The following UMAD1 variants were observed in gnomAD, a reference collection of about 807,000 sequenced individuals.
UMAD1 encodes the protein UBAP1-MVB12-associated (UMA) domain containing 1, also known as UBAP1-MVB12-associated (UMA)-domain containing protein 1.
In UMAD1, 8 loss-of-function variants were observed where a neutral mutation model predicts 6.1. The ratio of observed to expected loss-of-function variants is 1.30; its 90% CI spans 0.76 to 2.35. The LOEUF (loss-of-function observed/expected upper bound fraction) is 2.35. Among genes scored for constraint, UMAD1 ranks in the 30% most tolerant of loss-of-function variants. The pLI is 0.00. For synonymous variants in UMAD1, 56 were observed against 31.4 expected (o/e 1.78, Z -2.61); for missense variants, 130 against 78.4 (o/e 1.66, Z -2.49).
intron 3 of UMAD1, among the ~76,000 whole-genome samples, chr7:7,849,769 T>C (rs1416496809): frequency 3.3e-5 from 5 of 149,548 alleles, no homozygotes; most frequent in African/African-American, 7.5e-5. Flanking sequence ...GCAAATGAAA[T>C]AATCTGTGGA....
At chr7:7,794,017 A>C (rs1185670688) in intron 2 of UMAD1, among the ~76,000 whole-genome samples, 1 of 152,192 alleles carries the variant, frequency 6.6e-6, no homozygotes, top group Non-Finnish European at 1.5e-5. Context: ...AATCAACTGG[A>C]AGAGAACTTG....
At chr7:7,769,401 A>G (rs974536658) in intron 2 of UMAD1, among the ~76,000 whole-genome samples, 3 of 152,140 alleles carry the variant, frequency 2.0e-5, no homozygotes, top group Non-Finnish European at 4.4e-5. Flanking sequence ...GGAATGATAT[A>G]CAAGTTTATT....
At chr7:7,652,335 C>G (rs13242410) in intron 1 of UMAD1, among the ~76,000 whole-genome samples, 20,739 of 152,184 alleles carry the variant, frequency 0.14, 1,841 homozygotes, top group Non-Finnish European at 0.2. Flanking sequence ...TTGACTCAGA[C>G]TTTGAGATAT....
At chr7:7,815,974 T>C (rs1180366577) in intron 3 of UMAD1, among the ~76,000 whole-genome samples, 1 of 152,152 alleles carries the variant, frequency 6.6e-6, no homozygotes, top group Non-Finnish European at 1.5e-5. Flanking sequence ...GCCTGGATTC[T>C]ATTTAGGGCC....
chr7:7,784,109 C>T (rs150711205), intron 2 of UMAD1, among the ~76,000 whole-genome samples: 6 of 151,036 alleles, frequency 4.0e-5, no homozygotes, highest in African/African-American at 1.5e-4. Flanking sequence ...TGGATCTTGA[C>T]TGTAGACAGA....
At chr7:7,650,079 T>G (rs1785190361) in intron 1 of UMAD1, among the ~76,000 whole-genome samples, 1 of 152,238 alleles carries the variant, frequency 6.6e-6, no homozygotes, top group Non-Finnish European at 1.5e-5. Flanking sequence ...GCATGCATAT[T>G]AATCTTGAAG....
intron 2 of UMAD1, among the ~76,000 whole-genome samples, chr7:7,675,791 A>T (rs1268194618): frequency 6.6e-6 from 1 of 152,144 alleles, no homozygotes; most frequent in African/African-American, 2.4e-5. Context: ...TAGCAGTTTA[A>T]TTTGCAGTGC....
chr7:7,862,774 T>C (rs956853122), intron 3 of UMAD1, among the ~76,000 whole-genome samples: 3 of 152,144 alleles, frequency 2.0e-5, no homozygotes, highest in African/African-American at 7.2e-5. Flanking sequence ...CCAATCCAGA[T>C]GACACTTGTC....
chr7:7,725,462 G>A (rs1184704354), intron 2 of UMAD1, among the ~76,000 whole-genome samples: 2 of 152,182 alleles, frequency 1.3e-5, no homozygotes, highest in Admixed American at 6.5e-5. Flanking sequence ...CACAGTGGAG[G>A]CCTCTAAGAT....
At chr7:7,872,161 T>C (rs1349049166) in intron 3 of UMAD1, among the ~76,000 whole-genome samples, 1 of 152,176 alleles carries the variant, frequency 6.6e-6, no homozygotes, top group Non-Finnish European at 1.5e-5. Context: ...TGTACAGGCA[T>C]ACCTCGAAGA....
chr7:7,802,375 TCAA>T (rs755875512), intron 3 of UMAD1, among the ~76,000 whole-genome samples: 1,467 of 145,228 alleles, frequency 0.01, 21 homozygotes, highest in African/African-American at 0.034. Context: ...AGACTCCGTC[TCAA>T]AAAAAAAAAA....
At chr7:7,682,018 A>C (rs1286682701) in intron 2 of UMAD1, among the ~76,000 whole-genome samples, 1 of 152,186 alleles carries the variant, frequency 6.6e-6, no homozygotes, top group East Asian at 1.9e-4. Flanking sequence ...TTGGTTCACT[A>C]ATATTGTTGA....
At chr7:7,857,569 C>T (rs1340978680) in intron 3 of UMAD1, among the ~76,000 whole-genome samples, 2 of 152,204 alleles carry the variant, frequency 1.3e-5, no homozygotes, top group African/African-American at 4.8e-5. Context: ...GAACACAGGA[C>T]ACTCTGTTGT....
At chr7:7,859,199 G>C (rs990168347) in intron 3 of UMAD1, among the ~76,000 whole-genome samples, 4 of 152,060 alleles carry the variant, frequency 2.6e-5, no homozygotes, top group Admixed American at 2.6e-4. Flanking sequence ...GAAGCATATA[G>C]GATTTTTGTC....
At chr7:7,778,408 GTTTTTCTTT>G (rs1782270187) in intron 2 of UMAD1, among the ~76,000 whole-genome samples, 2 of 151,708 alleles carry the variant, frequency 1.3e-5, no homozygotes, top group Admixed American at 6.6e-5. Flanking sequence ...TAGATTTAAA[GTTTTTCTTT>G]TTTTTCTTTC....
At chr7:7,758,548 C>T (rs1018374817) in intron 2 of UMAD1, among the ~76,000 whole-genome samples, 20 of 149,288 alleles carry the variant, frequency 1.3e-4, no homozygotes, top group African/African-American at 4.9e-4. Flanking sequence ...GCCTCTGCAC[C>T]TTCAGCCTCC....
chr7:7,837,049 C>G (rs984308478), intron 3 of UMAD1, among the ~76,000 whole-genome samples: 2 of 151,758 alleles, frequency 1.3e-5, no homozygotes, highest in Non-Finnish European at 1.5e-5. Context: ...AATAGTGACT[C>G]AGTATAACAC....
At chr7:7,717,806 T>G (rs1207036984) in intron 2 of UMAD1, among the ~76,000 whole-genome samples, 3 of 152,204 alleles carry the variant, frequency 2.0e-5, no homozygotes, top group Non-Finnish European at 4.4e-5. Context: ...GTCCTCAAGA[T>G]TTTGTTTTTA....
intron 3 of UMAD1, among the ~76,000 whole-genome samples, chr7:7,863,261 G>T (rs1784148008): frequency 6.6e-6 from 1 of 152,218 alleles, no homozygotes; most frequent in South Asian, 2.1e-4. Flanking sequence ...AGCCTCAGAA[G>T]ATTAGAATGA....
Sources: gnomAD v4.1 joint callset for allele counts (sites outside exome capture counted in the v4.1 genomes callset) on GRCh38, gnomAD v4.1.1 for gene constraint, MANE v1.5 for transcripts, NCBI Gene and HGNC (gene_info 2026-07-23, HGNC 2026-07-21) for gene names.